The following ZNF239 variants were observed in gnomAD, a reference collection of about 807,000 sequenced individuals.
ZNF239 encodes zinc finger protein 239.
ZNF239 carries 16 observed loss-of-function variants against 27.5 expected under a neutral mutation model. The ratio of observed to expected loss-of-function variants is 0.58; its 90% CI spans 0.39 to 0.88. The LOEUF (loss-of-function observed/expected upper bound fraction) is 0.88. Among genes scored for constraint, ZNF239 ranks in the 40% least tolerant of loss-of-function variants. The pLI, the probability that ZNF239 is intolerant of heterozygous loss-of-function variation, is 0.00. For synonymous variants in ZNF239, 199 were observed against 192.6 expected, an observed-to-expected ratio of 1.03 and a Z score of -0.27; for missense variants, 527 against 551.9, an observed-to-expected ratio of 0.95 and a Z score of 0.45.
chr10:43,569,123 C>T (rs1837871206), intron 2 of ZNF239, among the ~76,000 whole-genome samples: 1 of 152,168 alleles, frequency 6.6e-6, no homozygotes, highest in Admixed American at 6.6e-5. Flanking sequence ...CCACACGAAC[C>T]ACTCAATTGC....
intron 3 of ZNF239, among the ~76,000 whole-genome samples, chr10:43,560,414 C>G (rs963836323): frequency 6.6e-6 from 1 of 152,034 alleles, no homozygotes; most frequent in Non-Finnish European, 1.5e-5. Context: ...GCAGGGCATG[C>G]CCCAGATAAC....
At position 43,556,800 on chromosome 10, in the gene ZNF239, C is replaced by G; in HGVS notation, c.1280G>C (p.Gly427Ala). The G allele has an allele frequency of 6.2e-7, 1 of 1,613,482 alleles. No individual in the cohort carries two copies. Among genetic ancestry groups the G allele is most frequent in the Non-Finnish European group, 8.5e-7 (1 of 1,179,824 alleles). Reference sequence around the variant, plus strand: ...CTTGCTGCACTCATAGGGCTTCTCTCCAGTATGTACTCTCTGGTGGATGAG... The same window carrying G: ...CTTGCTGCACTCATAGGGCTTCTCTGCAGTATGTACTCTCTGGTGGATGAG... Reference protein sequence around the residue: ...KLLIHQRVHTGEKPYECSKCG... With the variant: ...KLLIHQRVHTAEKPYECSKCG... Residue 427 changes from glycine to alanine, a missense_variant, in exon 4 of 4, where the codon GGA (glycine) becomes GCA (alanine). Physicochemically the swap from Gly to Ala is moderately conservative, Grantham distance 60 (BLOSUM62 0). Transcript: ENST00000374446.
chr10:43,565,256 G>A (rs1297949446), intron 3 of ZNF239, among the ~76,000 whole-genome samples: 5 of 151,762 alleles, frequency 3.3e-5, no homozygotes, highest in African/African-American at 1.2e-4. Context: ...GCTAATTTTT[G>A]TATTTTTAGT....
intron 3 of ZNF239, among the ~76,000 whole-genome samples, chr10:43,566,621 G>T (rs1285392577): frequency 6.6e-6 from 1 of 152,104 alleles, no homozygotes; most frequent in Non-Finnish European, 1.5e-5. Flanking sequence ...GCTGCTTTTG[G>T]CTATAAAATG....
chr10:43,564,137 C>T, intron 3 of ZNF239: 1 of 213,972 alleles, frequency 4.7e-6, no homozygotes, highest in Non-Finnish European at 8.0e-6. Context: ...TTCTTCCCCT[C>T]CCTAGCCACC....
intron 3 of ZNF239, among the ~76,000 whole-genome samples, chr10:43,562,750 T>C (rs1276800002): frequency 1.3e-5 from 2 of 152,158 alleles, no homozygotes; most frequent in Non-Finnish European, 2.9e-5. Context: ...TGTATCACTT[T>C]GTTTATAAAT....
chr10:43,569,083 TTCCCCAGTCA>T (rs1359326238), intron 2 of ZNF239, among the ~76,000 whole-genome samples: 6 of 152,178 alleles, frequency 3.9e-5, no homozygotes, highest in Admixed American at 6.5e-5. Context: ...GCATCTGCTC[TTCCCCAGTCA>T]TCCCCATTTT....
chr10:43,570,291 G>A (rs2132302449), intron 2 of ZNF239: 1 of 985,276 alleles, frequency 1.0e-6, no homozygotes, highest in South Asian at 4.7e-5. Context: ...GGCTGGAAAA[G>A]GAGGCTCAAG....
chr10:43,560,483 G>A (rs1403856871), intron 3 of ZNF239, among the ~76,000 whole-genome samples: 1 of 151,886 alleles, frequency 6.6e-6, no homozygotes, highest in East Asian at 2.0e-4. Flanking sequence ...GGGGAGTACA[G>A]GGAATAGGAG....
intron 2 of ZNF239, among the ~76,000 whole-genome samples, chr10:43,571,950 A>C (rs71505681): frequency 6.6e-6 from 1 of 152,212 alleles, no homozygotes; most frequent in African/African-American, 2.4e-5. Context: ...GAATAATAAT[A>C]CAACTAAAAG....
intron 3 of ZNF239, among the ~76,000 whole-genome samples, chr10:43,558,901 G>A (rs921432367): frequency 2.0e-5 from 3 of 152,176 alleles, no homozygotes; most frequent in Admixed American, 6.5e-5. Flanking sequence ...AGTGAGTGGT[G>A]TAGATGAATG....
intron 3 of ZNF239, among the ~76,000 whole-genome samples, chr10:43,560,134 A>G (rs933643801): frequency 2.0e-5 from 3 of 152,216 alleles, no homozygotes; most frequent in Admixed American, 6.5e-5. Flanking sequence ...TTCCTCTTAG[A>G]AATAGAAATA....
At chr10:43,561,721 T>C (rs1837264885) in intron 3 of ZNF239, among the ~76,000 whole-genome samples, 1 of 152,216 alleles carries the variant, frequency 6.6e-6, no homozygotes, top group South Asian at 2.1e-4. Context: ...TGGTGGTTCA[T>C]GTCTGTAATC....
At chr10:43,559,116 G>A (rs1212708601) in intron 3 of ZNF239, among the ~76,000 whole-genome samples, 4 of 152,198 alleles carry the variant, frequency 2.6e-5, no homozygotes, top group Non-Finnish European at 5.9e-5. Context: ...TTACGAAGGA[G>A]ATAAAAACAG....
At chr10:43,569,500 C>T (rs1837898318) in intron 2 of ZNF239, among the ~76,000 whole-genome samples, 1 of 152,150 alleles carries the variant, frequency 6.6e-6, no homozygotes, top group South Asian at 2.1e-4. Flanking sequence ...TGATCATATT[C>T]AGCACCAGTG....
rs117513280 is a variant in ZNF239 at position 43,558,092 on chromosome 10, T to C, written c.-13A>G. 8.6e-4 allele frequency: 1,372 copies of C among 1,604,370 alleles called. 11 individuals carry two copies. The East Asian group carries it at 0.026, about 31-fold the overall frequency. On this transcript the variant is annotated 5_prime_UTR_variant, in exon 4 of 4. It removes the in-frame stop codon of an upstream open reading frame in the 5' UTR. Transcript: ENST00000374446. ...TTGTACTGGCCATGCCTTCCAAAAC[T>C]AGCCAGGAGGAAAGCTCATGTAACA...
chr10:43,570,383 T>TGAG, intron 2 of ZNF239: 1 of 985,398 alleles, frequency 1.0e-6, no homozygotes, highest in Non-Finnish European at 1.2e-6. Context: ...TAGCAAGGCA[T>TGAG]GACCCATGGC....
intron 3 of ZNF239, among the ~76,000 whole-genome samples, chr10:43,562,395 GC>G (rs1223302483): frequency 6.6e-6 from 1 of 152,134 alleles, no homozygotes; most frequent in African/African-American, 2.4e-5. Flanking sequence ...AGATTTTCAG[GC>G]ATAATTTGTG....
At chr10:43,569,143 A>T (rs546917311) in intron 2 of ZNF239, among the ~76,000 whole-genome samples, 1 of 152,190 alleles carries the variant, frequency 6.6e-6, no homozygotes, top group East Asian at 1.9e-4. Flanking sequence ...CTCAAACCAA[A>T]ATCCCCGATG....
Sources: allele counts gnomAD v4.1 joint callset (sites outside exome capture counted in the v4.1 genomes callset), GRCh38; gene constraint gnomAD v4.1.1; transcripts MANE v1.5; gene names NCBI Gene and HGNC (gene_info 2026-07-23, HGNC 2026-07-21).